CSNK1G3: variants seen among roughly 807,000 people sequenced by gnomAD.
CSNK1G3 encodes casein kinase 1 gamma 3, also known as casein kinase I isoform gamma-3.
In CSNK1G3, 23 loss-of-function variants were observed where a neutral mutation model predicts 64.3. The observed-to-expected ratio is 0.36, with a 90% CI of 0.26 to 0.51. The LOEUF (loss-of-function observed/expected upper bound fraction) is 0.51. Ranked by LOEUF, CSNK1G3 falls within the 20% of genes least tolerant of loss-of-function variation. The pLI, the probability that CSNK1G3 is intolerant of heterozygous loss-of-function variation, is 0.96. For synonymous variants in CSNK1G3, 158 were observed against 162.2 expected (o/e 0.97, Z 0.20); for missense variants, 357 against 510.5 (o/e 0.70, Z 2.90).
intron 1 of CSNK1G3, among the ~76,000 whole-genome samples, chr5:123,531,933 A>ATTTTATTTT (rs1780004175): frequency 6.6e-6 from 1 of 151,768 alleles, no homozygotes; most frequent in Admixed American, 6.6e-5. Flanking sequence ...ATGGGTGCCT[A>ATTTTATTTT]ATTTTTAAGT....
intron 12 of CSNK1G3, 62 bp from the exon 14 acceptor site, chr5:123,614,280 A>G (rs979036109): frequency 6.7e-7 from 1 of 1,502,386 alleles, no homozygotes; most frequent in Non-Finnish European, 9.1e-7. Context: ...TTAAAGTGAT[A>G]CAGTCAACTT....
intron 6 of CSNK1G3, among the ~76,000 whole-genome samples, chr5:123,577,050 C>A (rs532494495): frequency 9.6e-4 from 146 of 152,092 alleles, no homozygotes; most frequent in African/African-American, 3.4e-3. Flanking sequence ...ATTATTTATT[C>A]TGATAGCCAA....
chr5:123,594,994 G>A (rs1554082198), intron 10 of CSNK1G3, 45 bp from the exon 11 acceptor site: 33 of 1,546,608 alleles, frequency 2.1e-5, no homozygotes, highest in Non-Finnish European at 2.8e-5. Context: ...AACATATTGG[G>A]TTTTTCTTCT....
At chr5:123,520,476 A>ATT (rs77863119) in intron 1 of CSNK1G3, among the ~76,000 whole-genome samples, 4 of 138,750 alleles carry the variant, frequency 2.9e-5, no homozygotes, top group Non-Finnish European at 6.3e-5. Flanking sequence ...AAAAACAGTA[A>ATT]TTTTTTTTTT....
At chr5:123,565,152 A>G (rs570620572) in intron 4 of CSNK1G3, among the ~76,000 whole-genome samples, 30 of 152,356 alleles carry the variant, frequency 2.0e-4, no homozygotes, top group Non-Finnish European at 2.8e-4. Context: ...TATTTTGCAA[A>G]TGTCTTTAAT....
intron 6 of CSNK1G3, among the ~76,000 whole-genome samples, chr5:123,585,958 A>G (rs1423786405): frequency 6.6e-6 from 1 of 152,022 alleles, no homozygotes. Context: ...CCCAACATAA[A>G]TGAAAATGTA....
chr5:123,522,204 C>A (rs181750485), intron 1 of CSNK1G3, among the ~76,000 whole-genome samples: 9 of 152,148 alleles, frequency 5.9e-5, no homozygotes, highest in African/African-American at 2.2e-4. Flanking sequence ...TTCCAGGACC[C>A]CTCATGGCTA....
At chr5:123,597,868 AG>A (rs1581378823) in intron 10 of CSNK1G3, among the ~76,000 whole-genome samples, 2 of 152,292 alleles carry the variant, frequency 1.3e-5, no homozygotes, top group East Asian at 3.9e-4. Context: ...TAATTTAAAA[AG>A]TATTTAGCAT....
chr5:123,579,199 G>A (rs537147842), intron 6 of CSNK1G3, among the ~76,000 whole-genome samples: 3 of 151,424 alleles, frequency 2.0e-5, no homozygotes, highest in East Asian at 1.9e-4. Context: ...TCAGTAGGAT[G>A]TGGCATCTTT....
intron 1 of CSNK1G3, among the ~76,000 whole-genome samples, chr5:123,544,315 A>G (rs1782182224): frequency 6.6e-6 from 1 of 152,034 alleles, no homozygotes; most frequent in African/African-American, 2.4e-5. Context: ...TTCTTTACCA[A>G]CTGTCTTGGT....
At chr5:123,568,807 C>G (rs1340657578) in intron 4 of CSNK1G3, among the ~76,000 whole-genome samples, 1 of 152,136 alleles carries the variant, frequency 6.6e-6, no homozygotes, top group Admixed American at 6.6e-5. Flanking sequence ...CTGCTATATA[C>G]GACCCATTTT....
intron 3 of CSNK1G3, among the ~76,000 whole-genome samples, chr5:123,557,289 G>A (rs2150413452): frequency 6.6e-6 from 1 of 152,102 alleles, no homozygotes; most frequent in Admixed American, 6.5e-5. Flanking sequence ...CTGATCTAAT[G>A]GCTACTTAGT....
intron 1 of CSNK1G3, among the ~76,000 whole-genome samples, chr5:123,527,745 T>G (rs1278113564): frequency 6.6e-6 from 1 of 152,240 alleles, no homozygotes; most frequent in East Asian, 1.9e-4. Flanking sequence ...CTGGATGTAC[T>G]TTCTCATTTA....
rs1265044271 is a variant in CSNK1G3, at chr5:123,590,578, A to G, written c.990+20A>G. 1 of 1,373,902 alleles carries G rather than the reference A, an allele frequency of 7.3e-7. No homozygotes were observed. The highest frequency in any genetic ancestry group is 1.5e-5 in the South Asian group (1 of 65,482). 85.1% of individuals were successfully genotyped at this position (1,373,902 alleles called of 1,614,324 possible). A position where few individuals can be genotyped will look rare whatever the true frequency, so the allele number is the denominator to read the frequency against. ...CAGTTGGTGAGTATTCTATATAATA[A>G]TATATTACTTACAGTATCTGTTGCC... On this transcript the variant is annotated intron_variant, in intron 9 of 12. Coordinates refer to ENST00000345990, the Ensembl canonical transcript of CSNK1G3.
In CSNK1G3 at chr5:123,588,055, T is replaced by G; in HGVS notation, c.674-13T>G. 1 of 1,498,710 alleles carries G rather than the reference T, an allele frequency of 6.7e-7. No homozygotes were observed. The highest frequency in any genetic ancestry group is 9.1e-7 in the Non-Finnish European group (1 of 1,102,854). The allele number at this position is 1,498,710 out of a possible 1,614,324, so 92.8% of individuals were successfully genotyped here. A position where few individuals can be genotyped will look rare whatever the true frequency, so the allele number is the denominator to read the frequency against. ...TAGAGAAAAGTGAAATTTATATTTC[T>G]TTTGTATTTCAGAACAAAGTAGAAG... On this transcript the variant is annotated splice_polypyrimidine_tract_variant and intron_variant, in intron 6 of 12. Transcript: ENST00000345990.
chr5:123,536,992 T>G (rs1780943411), intron 1 of CSNK1G3, among the ~76,000 whole-genome samples: 1 of 152,170 alleles, frequency 6.6e-6, no homozygotes, highest in South Asian at 2.1e-4. Flanking sequence ...TTGGTGGGAA[T>G]GTAAATTAGT....
At chr5:123,533,914 A>T (rs1780378864) in intron 1 of CSNK1G3, among the ~76,000 whole-genome samples, 1 of 151,264 alleles carries the variant, frequency 6.6e-6, no homozygotes, top group African/African-American at 2.4e-5. Context: ...TTTGTGATTG[A>T]GGGACTAGGC....
chr5:123,549,038 A>G (rs1490953820), intron 2 of CSNK1G3, among the ~76,000 whole-genome samples: 2 of 152,236 alleles, frequency 1.3e-5, no homozygotes, highest in Non-Finnish European at 2.9e-5. Context: ...TAGTCCAGGA[A>G]AATTCAAAGT....
At chr5:123,593,596 A>G (rs551519373) in intron 10 of CSNK1G3, among the ~76,000 whole-genome samples, 1 of 152,128 alleles carries the variant, frequency 6.6e-6, no homozygotes, top group South Asian at 2.1e-4. Context: ...GTTTGTCTCA[A>G]TTTTAGCATC....
Sources: gnomAD v4.1 joint callset for allele counts (sites outside exome capture counted in the v4.1 genomes callset) on GRCh38, gnomAD v4.1.1 for gene constraint, MANE v1.5 for transcripts, NCBI Gene and HGNC (gene_info 2026-07-23, HGNC 2026-07-21) for gene names.